Variants in INTS1 observed in about 807,000 individuals in gnomAD.
INTS1 encodes the protein integrator complex subunit 1.
In INTS1, 137 loss-of-function variants were observed where a neutral mutation model predicts 241.6. The ratio of observed to expected loss-of-function variants is 0.57; its 90% CI spans 0.49 to 0.65. The LOEUF (loss-of-function observed/expected upper bound fraction) is 0.65, where lower values mean the gene tolerates loss of function less well. Among genes scored for constraint, INTS1 ranks in the 30% least tolerant of loss-of-function variants. The pLI is 0.00. For synonymous variants in INTS1, 1,692 were observed against 1,337.8 expected (o/e 1.26, Z -5.78); for missense variants, 3,073 against 3,032.2 (o/e 1.01, Z -0.32).
Position 1,478,741 on chromosome 7 carries a change from GC to G in INTS1, c.4473del (p.Arg1492AlafsTer37). ...LRMLASQASAGRRLSDVRGGL... is the reference protein window; with the variant it reads ...LRMLASQASAXRRLSDVRGGL... ...CGGTCCTCACCATCACTGAGCCTGC[GC>G]CCGGCTGAGGCCTGGCTGGCAAGCA... On this transcript the variant is annotated frameshift_variant, in exon 32 of 48. Transcript: ENST00000404767. LOFTEE classifies it high-confidence loss of function. The G allele has an allele frequency of 6.3e-7, 1 of 1,584,110 alleles. No individual in the cohort carries two copies. The highest frequency in any genetic ancestry group is 8.6e-7 in the Non-Finnish European group (1 of 1,165,740).
At chr7:1,494,698 G>A (rs1782758749) in intron 14 of INTS1, 118 bp downstream of exon 14, 1 of 942,918 alleles carries the variant, frequency 1.1e-6, no homozygotes, top group Non-Finnish European at 1.6e-6. Flanking sequence ...GCAGGATGGT[G>A]CTGTGACCAT....
At position 1,500,301 on chromosome 7, in the gene INTS1, C is replaced by G. The variant is rs1170059132; in HGVS notation, c.415G>C (p.Glu139Gln). The G allele has an allele frequency of 6.3e-7, 1 of 1,593,868 alleles. No homozygotes were observed. Among genetic ancestry groups the G allele is most frequent in the Non-Finnish European group, 8.6e-7 (1 of 1,168,924 alleles). ...AELEGNDDRI[E>Q]GVLCGAVKQL... Reference sequence around the variant, plus strand: ...TTCACGGCCCCGCACAGCACGCCCTCGATCCTGTCATCGTTGCCCTCCAGC... The same window carrying G: ...TTCACGGCCCCGCACAGCACGCCCTGGATCCTGTCATCGTTGCCCTCCAGC... The change falls in exon 4 of 48, where the codon GAG (glutamate) becomes CAG (glutamine). Residue 139 changes from glutamate (E) to glutamine (Q), a missense_variant. Physicochemically the swap from Glu to Gln is conservative, Grantham distance 29 (BLOSUM62 2). Coordinates refer to ENST00000404767, the MANE Select transcript of INTS1 (RefSeq NM_001080453.3).
At position 1,471,618 on chromosome 7, in the gene INTS1, T is replaced by C. The variant is rs1358421170; in HGVS notation, c.6208A>G (p.Ile2070Val). The stretch of plus-strand genomic sequence containing the variant: ...GGTCTCCGCCGGGACATCTCGTCTA[T>C]GTCACTCAGAACCTCCAGCAGATCT... ...VEDLLEVLSD[I>V]DEMSRRRPEI... Residue 2070 changes from isoleucine to valine, a missense_variant, in exon 45 of 48, where the codon ATA becomes GTA. By Grantham distance (29) the Ile-to-Val change is conservative. Transcript: ENST00000404767. 6.8e-6 allele frequency: 11 copies of C among 1,612,196 alleles called. No individual in the cohort carries two copies. The highest frequency in any genetic ancestry group is 1.3e-5 in the African/African-American group (1 of 74,850).
Position 1,498,986 on chromosome 7 carries a change from G to T in INTS1, c.1126C>A (p.Gln376Lys). ...LAVQKLEMWLQNPKLTRPAQD... is the reference protein window; with the variant it reads ...LAVQKLEMWLKNPKLTRPAQD... The stretch of plus-strand genomic sequence containing the variant: ...GGGCGCCCCCGCACCTTGGGGTTCT[G>T]CAGCCACATCTCCAGCTTCTGCACC... The change falls in exon 8 of 48, where the codon CAG becomes AAG. Residue 376 changes from glutamine (Q) to lysine (K), a missense_variant. By Grantham distance (53) the Gln-to-Lys change is moderately conservative (BLOSUM62 1). Coordinates refer to ENST00000404767, the MANE Select transcript of INTS1 (RefSeq NM_001080453.3). 1 of 1,514,358 alleles carries T rather than the reference G, an allele frequency of 6.6e-7. No individual in the cohort carries two copies. 93.8% of individuals were successfully genotyped at this position (1,514,358 alleles called of 1,614,324 possible). A position where few individuals can be genotyped will look rare whatever the true frequency, so the allele number is the denominator to read the frequency against.
At chr7:1,475,534 G>A (rs998016193) in intron 39 of INTS1, among the ~76,000 whole-genome samples, 1 of 152,138 alleles carries the variant, frequency 6.6e-6, no homozygotes. Flanking sequence ...CTGCGGTGGG[G>A]AAGCGGGTAC....
At position 1,473,002 on chromosome 7, in the gene INTS1, C is replaced by CA. The variant is rs150814719; in HGVS notation, c.6070+69_6070+70insT. 19,474 of 1,045,526 alleles carry CA rather than the reference C, an allele frequency of 0.019. 2,110 individuals are homozygous for CA. In the African/African-American group the frequency reaches 0.25, roughly 14 times the overall value. The allele number at this position is 1,045,526 out of a possible 1,614,324, so 64.8% of individuals were successfully genotyped here. A position where few individuals can be genotyped will look rare whatever the true frequency, so the allele number is the denominator to read the frequency against. ...CTCGGACGGCCCAGGGCTGGCTGTG[C>CA]GCTGGGAAAACCAGGCCCTGTAGGA... is the stretch of plus-strand genomic sequence containing the variant. On this transcript the variant is annotated intron_variant, in intron 43 of 47. Coordinates refer to ENST00000404767, the MANE Select transcript of INTS1 (RefSeq NM_001080453.3).
intron 42 of INTS1, 23 bp from the exon 43 acceptor site, chr7:1,473,207 C>A: frequency 1.3e-6 from 2 of 1,559,530 alleles, no homozygotes; most frequent in South Asian, 1.1e-5. Flanking sequence ...GATGCTTTCA[C>A]CTGGGAGGAA....
chr7:1,485,693 C>G (rs1782225938), intron 22 of INTS1, among the ~76,000 whole-genome samples: 1 of 152,248 alleles, frequency 6.6e-6, no homozygotes, highest in East Asian at 1.9e-4. Context: ...CCGTCACCAG[C>G]AAGAAAGGAA....
intron 42 of INTS1, among the ~76,000 whole-genome samples, 170 bp from the exon 43 acceptor site, chr7:1,473,354 A>G (rs1170565903): frequency 6.6e-6 from 1 of 152,188 alleles, no homozygotes. Flanking sequence ...GGAACGGGAC[A>G]GAGAGCCAGA....
intron 24 of INTS1, among the ~76,000 whole-genome samples, chr7:1,484,823 C>G (rs1293756205): frequency 6.6e-6 from 1 of 152,154 alleles, no homozygotes; most frequent in Non-Finnish European, 1.5e-5. Context: ...ATAGAAGCCC[C>G]AGCACAGCAG....
In INTS1 at chr7:1,472,424, G is replaced by A. The variant is rs374249239; in HGVS notation, c.6071-38C>T. ...GGCAGTGCTGCAGGAGGGCGGGAGC[G>A]GCAGGACGTGCCACACTGAGGCACC... On this transcript the variant is annotated intron_variant, in intron 43 of 47. Coordinates refer to ENST00000404767, the MANE Select transcript of INTS1 (RefSeq NM_001080453.3). 99 of 1,419,460 alleles carry A rather than the reference G, an allele frequency of 7.0e-5. No individual in the cohort carries two copies. In the African/African-American group the frequency reaches 7.2e-4, roughly 10 times the overall value. 87.9% of individuals were successfully genotyped at this position (1,419,460 alleles called of 1,614,324 possible). A position where few individuals can be genotyped will look rare whatever the true frequency, so the allele number is the denominator to read the frequency against.
intron 8 of INTS1, 34 bp downstream of exon 8, chr7:1,498,941 C>CCCGGG: frequency 1.5e-6 from 2 of 1,344,072 alleles, no homozygotes; most frequent in Non-Finnish European, 2.0e-6. Flanking sequence ...CCCCCACCCC[C>CCCGGG]TGCCCCGCCC....
intron 33 of INTS1, among the ~76,000 whole-genome samples, chr7:1,478,164 T>C (rs1342189586): frequency 6.6e-6 from 1 of 151,714 alleles, no homozygotes; most frequent in African/African-American, 2.4e-5. Flanking sequence ...GCAGCAGTGA[T>C]CAGGGGCCCC....
chr7:1,502,881 G>C lies in INTS1; in HGVS notation c.349+20C>G, dbSNP rs200462447. On this transcript the variant is annotated intron_variant, in intron 3 of 47. Coordinates refer to ENST00000404767, the MANE Select transcript of INTS1 (RefSeq NM_001080453.3). ...CATGAGCTGAGGGGTGTTCTCGGGGGATGTCCACAGACTCATTACCTTCAA... is the reference window on the plus strand; with the variant it reads ...CATGAGCTGAGGGGTGTTCTCGGGGCATGTCCACAGACTCATTACCTTCAA... 7.5e-5 allele frequency: 121 copies of C among 1,612,854 alleles called. No individual in the cohort carries two copies. The African/African-American group carries it at 1.3e-3, about 18-fold the overall frequency.
At chr7:1,491,980 C>T (rs576556791) in intron 16 of INTS1, among the ~76,000 whole-genome samples, 6 of 152,338 alleles carry the variant, frequency 3.9e-5, no homozygotes, top group Non-Finnish European at 8.8e-5. Flanking sequence ...TGCTGAGAAA[C>T]ACGGGCCATG....
At position 1,481,328 on chromosome 7, in the gene INTS1, C is replaced by T; in HGVS notation, c.3850+14G>A. 4 of 1,612,642 alleles carry T rather than the reference C, an allele frequency of 2.5e-6. No homozygotes were observed. The highest frequency in any genetic ancestry group is 3.4e-6 in the Non-Finnish European group (4 of 1,179,718). ...GCGTGTGTGAACCCACTCCGCAGGT[C>T]CCTGGCATCTTACTCTTGTCCATGA... On this transcript the variant is annotated intron_variant, in intron 28 of 47. Coordinates refer to ENST00000404767, the MANE Select transcript of INTS1 (RefSeq NM_001080453.3). The surrounding 1 kb of genome is among the most constrained non-coding windows in gnomAD (Gnocchi z 6.8).
chr7:1,480,208 G>A (rs1187683955), intron 30 of INTS1, 109 bp downstream of exon 30: 2 of 1,304,464 alleles, frequency 1.5e-6, no homozygotes, highest in Non-Finnish European at 2.1e-6. Context: ...AGCGTGCCTG[G>A]GTCAGGCGGT....
At chr7:1,475,884 C>T in intron 39 of INTS1, 64 bp downstream of exon 39, 1 of 1,511,022 alleles carries the variant, frequency 6.6e-7, no homozygotes, top group Admixed American at 2.0e-5. Flanking sequence ...GGCCTCCGCC[C>T]TCCCTCCCTG....
intron 30 of INTS1, 129 bp downstream of exon 30, chr7:1,480,188 G>A (rs976826096): frequency 1.7e-5 from 19 of 1,093,512 alleles, no homozygotes; most frequent in Middle Eastern, 3.0e-4. Context: ...AAAGGCCGCT[G>A]TGCGTGTGCA....
Sources: gnomAD v4.1 joint callset for allele counts (sites outside exome capture counted in the v4.1 genomes callset) on GRCh38, gnomAD v4.1.1 for gene constraint, Gnocchi (gnomAD v3.1) non-coding constraint, MANE v1.5 for transcripts, NCBI Gene and HGNC (gene_info 2026-07-23, HGNC 2026-07-21) for gene names.